The following EFCAB13 variants were observed in gnomAD, a reference collection of about 807,000 sequenced individuals.
EFCAB13 encodes the protein EF-hand calcium binding domain 13.
A neutral mutation model predicts 110.2 loss-of-function variants in EFCAB13; 91 were observed. The observed-to-expected ratio is 0.83, with a 90% confidence interval of 0.70 to 0.98. The LOEUF (loss-of-function observed/expected upper bound fraction) is 0.98, where lower values mean the gene tolerates loss of function less well. EFCAB13 is among the 50% of genes least tolerant of loss of function. The pLI is 0.00. For synonymous variants in EFCAB13, 323 were observed against 369.9 expected (o/e 0.87, Z 1.45); for missense variants, 968 against 1,119.4 (o/e 0.86, Z 1.93).
At chr17:47,377,254 C>T (rs987978204) in intron 12 of EFCAB13, among the ~76,000 whole-genome samples, 6 of 152,116 alleles carry the variant, frequency 3.9e-5, no homozygotes, top group East Asian at 1.9e-4. Flanking sequence ...CTCTGCCTCC[C>T]GGGTTCAAGT....
chr17:47,362,334 A>T (rs2143321293), intron 10 of EFCAB13, among the ~76,000 whole-genome samples: 1 of 152,276 alleles, frequency 6.6e-6, no homozygotes, highest in South Asian at 2.1e-4. Flanking sequence ...AGAAGACAGG[A>T]GTGTGAGCCT....
intron 9 of EFCAB13, among the ~76,000 whole-genome samples, chr17:47,351,279 CTGTGTGTG>C (rs140772791): frequency 2.8e-3 from 359 of 128,026 alleles, no homozygotes; most frequent in East Asian, 0.014. Context: ...TAGTATTCCA[CTGTGTGTG>C]TGTGTGTGTG....
At chr17:47,357,430 A>G (rs2065487167) in intron 9 of EFCAB13, among the ~76,000 whole-genome samples, 1 of 152,028 alleles carries the variant, frequency 6.6e-6, no homozygotes, top group Non-Finnish European at 1.5e-5. Context: ...TTTTGCCTTG[A>G]CAAAGCATAA....
chr17:47,425,972 A>G (rs917174990), intron 23 of EFCAB13, among the ~76,000 whole-genome samples: 2 of 152,248 alleles, frequency 1.3e-5, no homozygotes, highest in Non-Finnish European at 2.9e-5. Context: ...AGCTATTAAC[A>G]TAATGAAACA....
chr17:47,344,987 A>G (rs2065407118), intron 7 of EFCAB13, 29 bp from the exon 8 acceptor site: 1 of 1,552,452 alleles, frequency 6.4e-7, no homozygotes. Flanking sequence ...TTTCATTGCC[A>G]CTTTCTAATA....
intron 8 of EFCAB13, among the ~76,000 whole-genome samples, chr17:47,346,837 T>C (rs1189430090): frequency 1.3e-5 from 2 of 152,218 alleles, no homozygotes; most frequent in Admixed American, 1.3e-4. Flanking sequence ...TTGAAGGAGT[T>C]GTTTTCATTA....
chr17:47,374,865 A>C lies in EFCAB13; in HGVS notation c.1271A>C (p.Asp424Ala), dbSNP rs764841045. The change falls in exon 12 of 25, where the codon GAT becomes GCT. Residue 424 changes from aspartate (D) to alanine (A), a missense_variant. Coordinates refer to ENST00000331493, the MANE Select transcript of EFCAB13 (RefSeq NM_152347.5). ...CTCAGTAAGTCTCTGGATAAAAGTG[A>C]TATTTCTAGTATCCCAAAACTTCAG... is the stretch of plus-strand genomic sequence containing the variant. Reference protein sequence around the residue: ...TSLSKSLDKSDISSIPKLQKP... With the variant: ...TSLSKSLDKSAISSIPKLQKP... The C allele has an allele frequency of 1.2e-6, 2 of 1,613,402 alleles. No individual in the cohort carries two copies. Among genetic ancestry groups the C allele is most frequent in the South Asian group, 2.2e-5 (2 of 90,804 alleles).
In EFCAB13 at chr17:47,375,062, C is replaced by A. The variant is rs577502879; in HGVS notation, c.1372+96C>A. On this transcript the variant is annotated intron_variant, in intron 12 of 24. Coordinates refer to ENST00000331493, the MANE Select transcript of EFCAB13 (RefSeq NM_152347.5). ...TAGTTGTAAGCATTTCAATTGTTAACACCCTGGGTAACCACCACTTCTTTT... is the reference window on the plus strand; with the variant it reads ...TAGTTGTAAGCATTTCAATTGTTAAAACCCTGGGTAACCACCACTTCTTTT... 250 of 1,285,134 alleles carry A rather than the reference C, an allele frequency of 1.9e-4. 2 individuals are homozygous for A. The South Asian group carries it at 4.8e-3, about 25-fold the overall frequency. The allele number at this position is 1,285,134 out of a possible 1,614,324, so 79.6% of individuals were successfully genotyped here. A position where few individuals can be genotyped will look rare whatever the true frequency, so the allele number is the denominator to read the frequency against.
intron 10 of EFCAB13, among the ~76,000 whole-genome samples, chr17:47,361,780 T>C (rs747017252): frequency 6.6e-6 from 1 of 152,208 alleles, no homozygotes; most frequent in Non-Finnish European, 1.5e-5. Flanking sequence ...CAGCCTTACA[T>C]CTCTTTTCCA....
intron 5 of EFCAB13, chr17:47,339,983 C>T (rs1000868530): frequency 3.3e-5 from 5 of 152,140 alleles, no homozygotes; most frequent in African/African-American, 9.7e-5. Flanking sequence ...ATCAGAAGGA[C>T]TCAAGAGCCT....
Position 47,428,018 on chromosome 17 carries a change from AT to A in EFCAB13, c.2495-1790del, listed in dbSNP as rs914675295. The stretch of plus-strand genomic sequence containing the variant: ...TTGTAGTCATATTTTAGGTACCTGA[AT>A]TTTTTTTTTCCTACTGACCGGTTGT... On this transcript the variant is annotated intron_variant, in intron 23 of 24. Transcript: ENST00000331493. Among the ~76,000 whole-genome samples the A allele has an allele frequency of 1.3e-4, 19 of 149,734 alleles. 1 individual carries two copies. The highest frequency in any genetic ancestry group is 5.8e-4 in the East Asian group (3 of 5,140).
At chr17:47,351,302 T>TGTGTGTGTGTGTGTGC (rs1555578752) in intron 9 of EFCAB13, among the ~76,000 whole-genome samples, 2 of 101,580 alleles carry the variant, frequency 2.0e-5, no homozygotes, top group Non-Finnish European at 2.4e-5. Context: ...TGTGTGTGTG[T>TGTGTGTGTGTGTGTGC]GTGCGCGCGC....
chr17:47,433,230 T>G (rs1422907053), intron 24 of EFCAB13, among the ~76,000 whole-genome samples: 1 of 152,196 alleles, frequency 6.6e-6, no homozygotes, highest in Non-Finnish European at 1.5e-5. Context: ...TATGCGCTTT[T>G]GGGATGAATA....
chr17:47,436,303 G>A (rs1467135786), intron 24 of EFCAB13, among the ~76,000 whole-genome samples: 3 of 152,050 alleles, frequency 2.0e-5, no homozygotes, highest in Admixed American at 6.6e-5. Flanking sequence ...GAATTAGGGA[G>A]GGTTCCTTCT....
At chr17:47,410,726 T>C (rs1353299945) in intron 21 of EFCAB13, among the ~76,000 whole-genome samples, 7 of 151,880 alleles carry the variant, frequency 4.6e-5, no homozygotes, top group Non-Finnish European at 7.4e-5. Context: ...GAGAAATGAG[T>C]GAGAAGAAAG....
At position 47,328,363 on chromosome 17, in the gene EFCAB13, A is replaced by G. The variant is rs757610538; in HGVS notation, c.10A>G (p.Lys4Glu). 1.4e-5 allele frequency: 23 copies of G among 1,600,566 alleles called. No individual in the cohort carries two copies. The Admixed American group carries it at 4.0e-4, about 28-fold the overall frequency. MET[K>E]VHLFCQAEEN... Reference sequence around the variant, plus strand: ...ACCTCTAAACAGAAAGATGGAAACTAAAGTACATTTATTCTGCCAGGTATT... The same window carrying G: ...ACCTCTAAACAGAAAGATGGAAACTGAAGTACATTTATTCTGCCAGGTATT... The change falls in exon 4 of 25, where the codon AAA becomes GAA. Residue 4 changes from lysine (K) to glutamate (E), a missense_variant. Physicochemically the swap from Lys to Glu is moderately conservative, Grantham distance 56. Coordinates refer to ENST00000331493, the MANE Select transcript of EFCAB13 (RefSeq NM_152347.5).
chr17:47,342,891 C>G lies in EFCAB13; in HGVS notation c.303+859C>G, dbSNP rs1267343619. On this transcript the variant is annotated intron_variant, in intron 6 of 24. Transcript: ENST00000331493. ...TCACTTATTCTTTATCTAGCTGAAT[C>G]TAATCTACAGTTTAACCTTTCCTCT... Among the ~76,000 whole-genome samples the G allele has an allele frequency of 2.0e-5, 3 of 152,158 alleles. No homozygotes were observed. The East Asian group carries it at 5.8e-4, about 29-fold the overall frequency.
intron 20 of EFCAB13, among the ~76,000 whole-genome samples, chr17:47,406,207 G>A (rs2065804467): frequency 6.6e-6 from 1 of 152,156 alleles, no homozygotes; most frequent in East Asian, 1.9e-4. Flanking sequence ...CTGCCTCCCG[G>A]TTTCAAGCGA....
chr17:47,335,148 T>C, intron 4 of EFCAB13, 48 bp from the exon 5 acceptor site: 1 of 1,483,752 alleles, frequency 6.7e-7, no homozygotes, highest in Non-Finnish European at 9.0e-7. Flanking sequence ...ATATTTAATA[T>C]GTATGTGCAA....
Sources: allele counts gnomAD v4.1 joint callset (sites outside exome capture counted in the v4.1 genomes callset), GRCh38; gene constraint gnomAD v4.1.1; transcripts MANE v1.5; gene names NCBI Gene and HGNC (gene_info 2026-07-23, HGNC 2026-07-21).